Variants in SORCS3 observed in about 807,000 individuals in gnomAD.
SORCS3 encodes the protein VPS10 domain-containing receptor SorCS3.
SORCS3 carries 57 observed loss-of-function variants against 146.3 expected under a neutral mutation model. That is an observed-to-expected ratio of 0.39 (90% CI 0.31 to 0.49). The LOEUF is 0.49. Among genes scored for constraint, SORCS3 ranks in the 20% least tolerant of loss-of-function variants. The pLI, the probability that SORCS3 is intolerant of heterozygous loss-of-function variation, is 0.92. For missense variants in SORCS3, 1,341 were observed against 1,575.5 expected, an observed-to-expected ratio of 0.85 and a Z score of 2.52; for synonymous variants, 653 against 618.5, an observed-to-expected ratio of 1.06 and a Z score of -0.83.
intron 15 of SORCS3, 44 bp from the exon 16 acceptor site, chr10:105,201,076 C>A: frequency 6.3e-7 from 1 of 1,597,480 alleles, no homozygotes; most frequent in South Asian, 1.1e-5. Flanking sequence ...ATTTCACCAC[C>A]TTTTTGTTTT....
chr10:105,068,408 G>T (rs1197271712), intron 5 of SORCS3, among the ~76,000 whole-genome samples: 1 of 152,090 alleles, frequency 6.6e-6, no homozygotes, highest in Non-Finnish European at 1.5e-5. Flanking sequence ...TTCCCTAGAT[G>T]CATCTGCTTT....
rs529505103 is a variant in SORCS3 at position 104,877,813 on chromosome 10, A to T, written c.695+34954A>T. Reference sequence around the variant, plus strand: ...GGTTTTCTGCATTTTCCTAAGTTTTAAAACATAGGAAACTGTATATTTAAC... The same window carrying T: ...GGTTTTCTGCATTTTCCTAAGTTTTTAAACATAGGAAACTGTATATTTAAC... On this transcript the variant is annotated intron_variant, in intron 2 of 26. Coordinates refer to ENST00000369701, the MANE Select transcript of SORCS3 (RefSeq NM_014978.3). Among the ~76,000 whole-genome samples the T allele has an allele frequency of 3.3e-5, 5 of 152,300 alleles. No homozygotes were observed. The South Asian group carries it at 1.0e-3, about 32-fold the overall frequency.
chr10:104,863,232 CAG>C (rs2018424528), intron 2 of SORCS3, among the ~76,000 whole-genome samples: 1 of 152,164 alleles, frequency 6.6e-6, no homozygotes, highest in Admixed American at 6.5e-5. Context: ...CTTCTCACTT[CAG>C]AGTTTGGAAC....
At position 104,926,161 on chromosome 10, in the gene SORCS3, G is replaced by A. The variant is rs556143656; in HGVS notation, c.795+10229G>A. On this transcript the variant is annotated intron_variant, in intron 3 of 26. Coordinates refer to ENST00000369701, the MANE Select transcript of SORCS3 (RefSeq NM_014978.3). ...AGAGGATGCAGCTCCCAGAGGCTTG[G>A]ATTTTTAAAGAGCCTCATGTCCTGC... 5.3e-5 allele frequency among the ~76,000 whole-genome samples: 8 copies of A among 152,276 alleles called. No homozygotes were observed. The East Asian group carries it at 1.6e-3, about 30-fold the overall frequency.
Position 104,702,187 on chromosome 10 carries a change from A to G in SORCS3, c.627+60233A>G, listed in dbSNP as rs534772933. On this transcript the variant is annotated intron_variant, in intron 1 of 26. Transcript: ENST00000369701. ...CTGTCTATGCGGACCGCTGTGTTTG[A>G]GCACAATGGAAACACACTGTGTTTT... Among the ~76,000 whole-genome samples the G allele has an allele frequency of 1.7e-4, 26 of 152,296 alleles. 1 individual carries two copies. Among genetic ancestry groups the G allele is most frequent in the Admixed American group, 9.8e-4 (15 of 15,294 alleles).
At chr10:104,801,496 C>T (rs1225122194) in intron 1 of SORCS3, among the ~76,000 whole-genome samples, 1 of 152,204 alleles carries the variant, frequency 6.6e-6, no homozygotes, top group Non-Finnish European at 1.5e-5. Flanking sequence ...GCCAGCTCCC[C>T]ACCAGCCACA....
chr10:105,218,729 A>T lies in SORCS3; in HGVS notation c.2734+1607A>T, dbSNP rs181002599. On this transcript the variant is annotated intron_variant, in intron 19 of 26. Coordinates refer to ENST00000369701, the MANE Select transcript of SORCS3 (RefSeq NM_014978.3). ...TATAAACCTCCAATTTCTTATCTTC[A>T]TTGCTGGCTGGGCGCGGTGGCTCAC... Among the ~76,000 whole-genome samples, 588 of 152,234 alleles carry T rather than the reference A, an allele frequency of 3.9e-3. 1 individual carries two copies. Among genetic ancestry groups the T allele is most frequent in the Non-Finnish European group, 6.5e-3 (442 of 68,008 alleles).
intron 1 of SORCS3, among the ~76,000 whole-genome samples, chr10:104,830,630 G>A (rs1002574655): frequency 1.8e-4 from 27 of 152,252 alleles, no homozygotes; most frequent in Non-Finnish European, 3.5e-4. Context: ...AACTAATCTT[G>A]AAGAGAGCTC....
At chr10:105,055,811 A>G (rs1488832089) in intron 5 of SORCS3, among the ~76,000 whole-genome samples, 1 of 152,198 alleles carries the variant, frequency 6.6e-6, no homozygotes, top group African/African-American at 2.4e-5. Flanking sequence ...TATACTTGCT[A>G]AAACTACTAT....
chr10:104,737,790 T>C (rs2016792657), intron 1 of SORCS3, among the ~76,000 whole-genome samples: 1 of 150,960 alleles, frequency 6.6e-6, no homozygotes, highest in Non-Finnish European at 1.5e-5. Flanking sequence ...TTAGATCCCA[T>C]TTGTCAATTT....
intron 3 of SORCS3, among the ~76,000 whole-genome samples, chr10:104,974,930 T>G (rs1413442542): frequency 5.9e-5 from 9 of 152,140 alleles, no homozygotes; most frequent in Non-Finnish European, 1.2e-4. Context: ...GTCTGTAAAG[T>G]ATTTTATTTC....
At chr10:104,651,424 A>T (rs1444461958) in intron 1 of SORCS3, among the ~76,000 whole-genome samples, 2 of 151,328 alleles carry the variant, frequency 1.3e-5, no homozygotes, top group Admixed American at 6.6e-5. Flanking sequence ...TAACATAAGA[A>T]TGTTAATTTT....
intron 23 of SORCS3, 104 bp downstream of exon 23, chr10:105,253,010 C>G: frequency 7.4e-7 from 1 of 1,345,536 alleles, no homozygotes; most frequent in Non-Finnish European, 1.0e-6. Flanking sequence ...TCTTCCATTA[C>G]CCCAACAGCC....
intron 20 of SORCS3, among the ~76,000 whole-genome samples, chr10:105,237,210 A>G (rs947553290): frequency 6.6e-6 from 1 of 152,138 alleles, no homozygotes; most frequent in Admixed American, 6.5e-5. Flanking sequence ...GCAGAACAAG[A>G]CAAACCTAGG....
At chr10:105,144,315 A>G (rs970814221) in intron 8 of SORCS3, among the ~76,000 whole-genome samples, 18 of 152,288 alleles carry the variant, frequency 1.2e-4, no homozygotes, top group African/African-American at 3.4e-4. Flanking sequence ...GAGAAAGGCC[A>G]CTAGAGTATG....
intron 2 of SORCS3, among the ~76,000 whole-genome samples, chr10:104,845,822 T>C (rs1335060569): frequency 2.0e-5 from 3 of 152,062 alleles, no homozygotes; most frequent in Admixed American, 2.0e-4. Flanking sequence ...GGGATGCAGT[T>C]TGGCAAGTGG....
At chr10:104,762,806 C>A (rs1242669231) in intron 1 of SORCS3, among the ~76,000 whole-genome samples, 1 of 152,190 alleles carries the variant, frequency 6.6e-6, no homozygotes, top group Non-Finnish European at 1.5e-5. Flanking sequence ...TTTCCTGAGG[C>A]TTCTCTAGCC....
Position 104,784,967 on chromosome 10 carries a change from C to A in SORCS3, c.628-57825C>A, listed in dbSNP as rs539015149. The stretch of plus-strand genomic sequence containing the variant: ...GTTCTCAATGAGCTGTTGGGCACAC[C>A]TCCCAGACGGGGTGGTGGCCGGGCA... On this transcript the variant is annotated intron_variant, in intron 1 of 26. Transcript: ENST00000369701. Among the ~76,000 whole-genome samples the A allele has an allele frequency of 7.4e-4, 112 of 152,288 alleles. 1 individual carries two copies. The highest frequency in any genetic ancestry group is 2.6e-3 in the African/African-American group (110 of 41,578).
At chr10:105,137,600 A>T (rs1196991128) in intron 7 of SORCS3, among the ~76,000 whole-genome samples, 2 of 152,176 alleles carry the variant, frequency 1.3e-5, no homozygotes, top group African/African-American at 4.8e-5. Context: ...ACAGAGGTCT[A>T]TGCAAATTGT....
Sources: allele counts gnomAD v4.1 joint callset (sites outside exome capture counted in the v4.1 genomes callset), GRCh38; gene constraint gnomAD v4.1.1; transcripts MANE v1.5; gene names NCBI Gene and HGNC (gene_info 2026-07-23, HGNC 2026-07-21).